Variants in KCNIP4 observed in about 807,000 individuals in gnomAD.
KCNIP4 encodes the protein Kv channel-interacting protein 4.
KCNIP4 carries 12 observed loss-of-function variants against 34.0 expected under a neutral mutation model. That is an observed-to-expected ratio of 0.35 (90% confidence interval 0.23 to 0.57). KCNIP4 has a LOEUF of 0.57. Among genes scored for constraint, KCNIP4 ranks in the 20% least tolerant of loss-of-function variants. The probability of loss-of-function intolerance (pLI) is 0.83; values close to 1 mark genes in which losing one functional copy is unlikely to be tolerated. For synonymous variants in KCNIP4, 124 were observed against 102.2 expected (o/e 1.21, Z -1.29); for missense variants, 238 against 311.7 (o/e 0.76, Z 1.78).
chr4:21,663,670 A>G (rs1748621013), intron 1 of KCNIP4, among the ~76,000 whole-genome samples: 1 of 152,144 alleles, frequency 6.6e-6, no homozygotes, highest in African/African-American at 2.4e-5. Context: ...TGATTCTTGA[A>G]AGGTCCTGTA....
At chr4:21,922,235 C>A (rs1728976812) in intron 1 of KCNIP4, among the ~76,000 whole-genome samples, 1 of 152,184 alleles carries the variant, frequency 6.6e-6, no homozygotes, top group African/African-American at 2.4e-5. Context: ...ACAAGCCACC[C>A]TACTGCTCTT....
At chr4:21,293,286 G>C (rs1002627144) in intron 1 of KCNIP4, among the ~76,000 whole-genome samples, 1 of 152,154 alleles carries the variant, frequency 6.6e-6, no homozygotes, top group African/African-American at 2.4e-5. Context: ...GCTCAAAGGA[G>C]TCAAGTATGT....
At chr4:21,204,447 T>C (rs1756706817) in intron 1 of KCNIP4, among the ~76,000 whole-genome samples, 3 of 152,280 alleles carry the variant, frequency 2.0e-5, no homozygotes, top group East Asian at 3.9e-4. Flanking sequence ...GTAAAGTGCT[T>C]GCAGAATGGT....
chr4:21,560,938 T>C (rs571541770), intron 1 of KCNIP4, among the ~76,000 whole-genome samples: 3 of 152,120 alleles, frequency 2.0e-5, no homozygotes, highest in African/African-American at 7.2e-5. Flanking sequence ...AGCAAGTAGA[T>C]TGTACTGCAG....
intron 1 of KCNIP4, among the ~76,000 whole-genome samples, chr4:21,434,541 G>A (rs1005464890): frequency 1.3e-5 from 2 of 152,102 alleles, no homozygotes; most frequent in African/African-American, 4.8e-5. Context: ...GTTAGGAACC[G>A]AGCAGCACAG....
At chr4:21,108,427 G>A (rs1459160494) in intron 1 of KCNIP4, among the ~76,000 whole-genome samples, 6 of 151,526 alleles carry the variant, frequency 4.0e-5, no homozygotes, top group African/African-American at 7.3e-5. Flanking sequence ...CGTAGTTCTC[G>A]AGCCTTGGCT....
chr4:21,020,281 C>T (rs754105019), intron 1 of KCNIP4, among the ~76,000 whole-genome samples: 3 of 152,182 alleles, frequency 2.0e-5, no homozygotes, highest in Non-Finnish European at 2.9e-5. Context: ...GGTGCTGCTA[C>T]ATTGTTATCC....
chr4:21,841,566 C>G (rs1331835887), intron 1 of KCNIP4, among the ~76,000 whole-genome samples: 1 of 152,140 alleles, frequency 6.6e-6, no homozygotes, highest in Non-Finnish European at 1.5e-5. Context: ...TCACTGGCAT[C>G]TGGCTACCCT....
At chr4:20,913,222 T>G (rs1728493544) in intron 1 of KCNIP4, among the ~76,000 whole-genome samples, 1 of 151,928 alleles carries the variant, frequency 6.6e-6, no homozygotes, top group Admixed American at 6.6e-5. Flanking sequence ...CAGAGGTGGA[T>G]CTTAAAAACA....
chr4:21,087,148 GT>G (rs1560709021), intron 1 of KCNIP4, among the ~76,000 whole-genome samples: 3 of 112,772 alleles, frequency 2.7e-5, no homozygotes, highest in African/African-American at 1.2e-4. Flanking sequence ...GCTGGGTAAT[GT>G]GTGTGTGTGT....
intron 2 of KCNIP4, among the ~76,000 whole-genome samples, chr4:20,864,458 A>T (rs1375630837): frequency 6.6e-6 from 1 of 151,946 alleles, no homozygotes; most frequent in Non-Finnish European, 1.5e-5. Context: ...TAAATGCTAT[A>T]TTCTTGTTCT....
chr4:21,862,435 T>A (rs1483532195), intron 1 of KCNIP4, among the ~76,000 whole-genome samples: 1 of 152,070 alleles, frequency 6.6e-6, no homozygotes, highest in Non-Finnish European at 1.5e-5. Flanking sequence ...GAGATAAGAA[T>A]ACATAAGTAA....
intron 1 of KCNIP4, among the ~76,000 whole-genome samples, chr4:21,193,518 T>C (rs564345109): frequency 3.9e-5 from 6 of 152,044 alleles, no homozygotes; most frequent in African/African-American, 1.4e-4. Flanking sequence ...TTTCTGGGTA[T>C]GCAAAGCTCC....
At chr4:21,924,708 G>C (rs114264095) in intron 1 of KCNIP4, among the ~76,000 whole-genome samples, 1 of 152,250 alleles carries the variant, frequency 6.6e-6, no homozygotes, top group African/African-American at 2.4e-5. Flanking sequence ...ATTTGGAGTA[G>C]ATAAACTGTT....
At chr4:20,735,709 G>C (rs979884156) in intron 5 of KCNIP4, among the ~76,000 whole-genome samples, 4 of 151,796 alleles carry the variant, frequency 2.6e-5, no homozygotes, top group Non-Finnish European at 5.9e-5. Context: ...ACTAATTTTT[G>C]TATTTTTGGT....
chr4:21,379,159 G>GTTATTTCATATAACAGAATAT (rs1412526918), intron 1 of KCNIP4, among the ~76,000 whole-genome samples: 2 of 152,064 alleles, frequency 1.3e-5, no homozygotes, highest in African/African-American at 2.4e-5. Context: ...TGAGATTTCT[G>GTTATTTCATATAACAGAATAT]TTATTTCATA....
At chr4:21,563,879 C>T (rs544430707) in intron 1 of KCNIP4, among the ~76,000 whole-genome samples, 2 of 152,110 alleles carry the variant, frequency 1.3e-5, no homozygotes, top group Non-Finnish European at 2.9e-5. Flanking sequence ...TTATCTATTG[C>T]CTGTTTTGAG....
intron 3 of KCNIP4, among the ~76,000 whole-genome samples, chr4:20,830,846 G>A (rs1718341817): frequency 6.6e-6 from 1 of 152,152 alleles, no homozygotes; most frequent in Non-Finnish European, 1.5e-5. Context: ...TTCATGATTT[G>A]CTATATGGTA....
At chr4:21,470,698 T>C (rs928681908) in intron 1 of KCNIP4, among the ~76,000 whole-genome samples, 20 of 151,874 alleles carry the variant, frequency 1.3e-4, no homozygotes, top group African/African-American at 4.8e-4. Flanking sequence ...AGAAGGAGGA[T>C]TAAGGGTAAT....
Sources: gnomAD v4.1 joint callset for allele counts (sites outside exome capture counted in the v4.1 genomes callset) on GRCh38, gnomAD v4.1.1 for gene constraint, MANE v1.5 for transcripts, NCBI Gene and HGNC (gene_info 2026-07-23, HGNC 2026-07-21) for gene names.